Variants in HEATR5B observed in about 807,000 individuals in gnomAD.
The protein encoded by HEATR5B is HEAT repeat-containing protein 5B.
In HEATR5B, 156 loss-of-function variants were observed where a neutral mutation model predicts 224.1. The observed-to-expected ratio is 0.70, with a 90% CI of 0.61 to 0.80. The LOEUF is 0.80. Ranked by LOEUF, HEATR5B falls within the 30% of genes least tolerant of loss-of-function variation. HEATR5B has a pLI of 0.00. For synonymous variants in HEATR5B, 1,027 were observed against 893.0 expected (o/e 1.15, Z -2.68); for missense variants, 2,323 against 2,535.5 (o/e 0.92, Z 1.80).
chr2:37,027,810 T>A (rs376184831), intron 24 of HEATR5B, 113 bp downstream of exon 24: 2 of 1,051,434 alleles, frequency 1.9e-6, no homozygotes, highest in Non-Finnish European at 1.4e-6. Flanking sequence ...TTACAATAAA[T>A]AAATGGCATA....
rs367809093 is a variant in HEATR5B at position 37,057,393 on chromosome 2, G to A, written c.2147C>T (p.Ser716Phe). 4 of 1,612,478 alleles carry A rather than the reference G, an allele frequency of 2.5e-6. No individual in the cohort carries two copies. The highest frequency in any genetic ancestry group is 3.4e-6 in the Non-Finnish European group (4 of 1,179,168). Residue 716 changes from serine (S) to phenylalanine (F), a missense_variant, in exon 15 of 36, where the codon TCC becomes TTC. Ser to Phe is a radical substitution (Grantham distance 155). Transcript: ENST00000233099. ...AACACTATCATCATAATGGCAGAGG[G>A]ATCTGAGGAGGGAAGTAGTTGTGTT... ...SANTTTSLLR[S>F]LCHYDDSVLL...
Position 37,079,319 on chromosome 2 carries a change from CCTTTA to C in HEATR5B, c.134_138del (p.Val45GlyfsTer8). 6.2e-7 allele frequency: 1 copy of C among 1,601,490 alleles called. No homozygotes were observed. The highest frequency in any genetic ancestry group is 8.5e-7 in the Non-Finnish European group (1 of 1,174,648). On this transcript the variant is annotated frameshift_variant, in exon 3 of 36. Coordinates refer to ENST00000233099, the MANE Select transcript of HEATR5B (RefSeq NM_019024.3). LOFTEE classifies it high-confidence loss of function. ...TGTTCAACAAGTTTTTTCTGTTTTT[CCTTTA>C]CATCGGTCTGTTACAAAAAAAATTT...
chr2:37,048,973 T>C (rs775077998), intron 18 of HEATR5B, among the ~76,000 whole-genome samples: 1 of 152,218 alleles, frequency 6.6e-6, no homozygotes, highest in Non-Finnish European at 1.5e-5. Context: ...ATATATATGA[T>C]AGCTAAGAAT....
At position 37,038,920 on chromosome 2, in the gene HEATR5B, G is replaced by GGAA. The variant is rs58707175; in HGVS notation, c.3047-897_3047-896insTTC. On this transcript the variant is annotated intron_variant, in intron 20 of 35. Coordinates refer to ENST00000233099, the MANE Select transcript of HEATR5B (RefSeq NM_019024.3). The stretch of plus-strand genomic sequence containing the variant: ...GTCTCCCTGGGGTGGGGGGGGTGGG[G>GGAA]AATCACATATTTTTCAATTTCTAGC... Among the ~76,000 whole-genome samples, 12 of 124,664 alleles carry GGAA rather than the reference G, an allele frequency of 9.6e-5. 2 individuals are homozygous for GGAA. The highest frequency in any genetic ancestry group is 1.0e-4 in the Non-Finnish European group (6 of 58,522). The allele number at this position is 124,664 out of a possible 152,430, so 81.8% of individuals were successfully genotyped here. A position where few individuals can be genotyped will look rare whatever the true frequency, so the allele number is the denominator to read the frequency against.
At chr2:37,030,117 T>G (rs940281533) in intron 22 of HEATR5B, among the ~76,000 whole-genome samples, 5 of 152,150 alleles carry the variant, frequency 3.3e-5, no homozygotes, top group Non-Finnish European at 7.4e-5. Context: ...GAATGAGTAT[T>G]ATTACGCCCT....
intron 33 of HEATR5B, among the ~76,000 whole-genome samples, chr2:36,999,105 C>T (rs1203322227): frequency 1.3e-5 from 2 of 151,796 alleles, no homozygotes; most frequent in Non-Finnish European, 2.9e-5. Context: ...CCCAGCTACT[C>T]AGGAGGCTGA....
chr2:36,993,092 A>T (rs1472660534), intron 33 of HEATR5B, among the ~76,000 whole-genome samples: 2 of 152,160 alleles, frequency 1.3e-5, no homozygotes, highest in Non-Finnish European at 2.9e-5. Flanking sequence ...TACTGAAAGG[A>T]ATCAAGGCTT....
intron 2 of HEATR5B, among the ~76,000 whole-genome samples, chr2:37,080,776 T>TAA (rs34270307): frequency 7.0e-6 from 1 of 142,180 alleles, no homozygotes; most frequent in Non-Finnish European, 1.5e-5. Flanking sequence ...ATGTACAGAT[T>TAA]AAAAAAAAAA....
intron 14 of HEATR5B, 23 bp downstream of exon 14, chr2:37,058,428 G>T: frequency 7.1e-7 from 1 of 1,416,840 alleles, no homozygotes; most frequent in Non-Finnish European, 1.0e-6. Context: ...ATTTTTATCA[G>T]ATACCACAAA....
At chr2:37,067,291 C>T (rs962803181) in intron 8 of HEATR5B, among the ~76,000 whole-genome samples, 1 of 152,180 alleles carries the variant, frequency 6.6e-6, no homozygotes, top group African/African-American at 2.4e-5. Context: ...TGCTATTTTA[C>T]TCCCACCATT....
At chr2:37,005,833 T>C in intron 29 of HEATR5B, 74 bp from the exon 30 acceptor site, 1 of 1,209,716 alleles carries the variant, frequency 8.3e-7, no homozygotes, top group Non-Finnish European at 1.1e-6. Context: ...ATATTTCTTC[T>C]CTATTTATGT....
intron 7 of HEATR5B, 144 bp downstream of exon 7, chr2:37,070,086 C>T: frequency 1.4e-6 from 1 of 698,402 alleles, no homozygotes; most frequent in Non-Finnish European, 2.4e-6. Flanking sequence ...TTTTAGTAGA[C>T]ATGGGGTTTC....
intron 33 of HEATR5B, among the ~76,000 whole-genome samples, chr2:36,998,451 G>C (rs1432717703): frequency 6.6e-6 from 1 of 152,210 alleles, no homozygotes; most frequent in Non-Finnish European, 1.5e-5. Context: ...GCTGGTGAGA[G>C]CGTAAATTCA....
chr2:37,038,769 A>AC lies in HEATR5B; in HGVS notation c.3047-746dup, dbSNP rs3084389. 5.2e-3 allele frequency among the ~76,000 whole-genome samples: 792 copies of AC among 151,064 alleles called. 6 individuals carry two copies. The highest frequency in any genetic ancestry group is 0.018 in the African/African-American group (738 of 41,190). On this transcript the variant is annotated intron_variant, in intron 20 of 35. Coordinates refer to ENST00000233099, the MANE Select transcript of HEATR5B (RefSeq NM_019024.3). The stretch of plus-strand genomic sequence containing the variant: ...AGACCAGCCTGGCCAACATAGTGGA[A>AC]CCCCCGTCTCTACTGAAAATACAAG...
At chr2:37,083,703 G>A (rs1422658396) in intron 1 of HEATR5B, among the ~76,000 whole-genome samples, 4 of 152,134 alleles carry the variant, frequency 2.6e-5, no homozygotes, top group African/African-American at 4.8e-5. Flanking sequence ...TATTCCAGAA[G>A]AAATATGTCC....
In HEATR5B at chr2:37,002,407, C is replaced by T. The variant is rs201487568; in HGVS notation, c.5216G>A (p.Ser1739Asn). 2.5e-6 allele frequency: 4 copies of T among 1,614,238 alleles called. No individual in the cohort carries two copies. The highest frequency in any genetic ancestry group is 3.4e-6 in the Non-Finnish European group (4 of 1,180,046). The change falls in exon 32 of 36, where the codon AGT (serine) becomes AAT (asparagine). Residue 1739 changes from serine to asparagine, a missense_variant. Physicochemically the swap from Ser to Asn is conservative, Grantham distance 46. Transcript: ENST00000233099. ...HLSTKVSDSPSHIATKTRLSE... is the reference protein window; with the variant it reads ...HLSTKVSDSPNHIATKTRLSE... ...TAGTCGAGTTTTAGTGGCTATGTGA[C>T]TTGGAGAGTCTGACACCTTGGTACT...
chr2:37,001,296 G>A (rs1022637501), intron 32 of HEATR5B, among the ~76,000 whole-genome samples: 4 of 152,070 alleles, frequency 2.6e-5, no homozygotes, highest in African/African-American at 9.7e-5. Context: ...AATAATCCTA[G>A]AATTTGTAAC....
Position 37,005,617 on chromosome 2 carries a change from A to G in HEATR5B, c.4905+15T>C. On this transcript the variant is annotated intron_variant, in intron 30 of 35. Transcript: ENST00000233099. ...AAAAAACCACACAAGTATCTATCAT[A>G]GCAATACACTGTACCTGATCTTCTG... 6.2e-7 allele frequency: 1 copy of G among 1,610,926 alleles called. No individual in the cohort carries two copies. The highest frequency in any genetic ancestry group is 8.5e-7 in the Non-Finnish European group (1 of 1,178,316).
chr2:37,018,676 G>A (rs1668275527), intron 26 of HEATR5B, among the ~76,000 whole-genome samples: 1 of 152,082 alleles, frequency 6.6e-6, no homozygotes, highest in Admixed American at 6.6e-5. Flanking sequence ...GCTTGGCCAT[G>A]GATTCTAAGC....
Sources: allele counts gnomAD v4.1 joint callset (sites outside exome capture counted in the v4.1 genomes callset), GRCh38; gene constraint gnomAD v4.1.1; transcripts MANE v1.5; gene names NCBI Gene and HGNC (gene_info 2026-07-23, HGNC 2026-07-21).